Variants in SYS1 observed in about 807,000 individuals in gnomAD.
SYS1 encodes protein SYS1 homolog.
Under a neutral mutation model 17.8 loss-of-function variants are expected in SYS1, and 8 were observed. The observed-to-expected ratio is 0.45, with a 90% confidence interval of 0.26 to 0.81. The LOEUF is 0.81. SYS1 is among the 40% of genes least tolerant of loss of function. SYS1 has a pLI of 0.16. For missense variants in SYS1, 161 were observed against 203.9 expected (o/e 0.79, Z 1.28); for synonymous variants, 95 against 90.9 (o/e 1.05, Z -0.26).
rs767216821 is a variant in SYS1, at chr20:45,375,270, G to A, written c.*976G>A. 10 of 1,614,028 alleles carry A rather than the reference G, an allele frequency of 6.2e-6. No individual in the cohort carries two copies. In the Admixed American group the frequency reaches 8.3e-5, roughly 13 times the overall value. The stretch of plus-strand genomic sequence containing the variant: ...TAATGAAGATGACTCGGGGGCCCTC[G>A]GTGAGTGGTTGCCTCCCCTGGACTC... On this transcript the variant is annotated 3_prime_UTR_variant, in exon 4 of 4. Transcript: ENST00000426004.
chr20:45,373,945 C>A, downstream of SYS1: 1 of 1,613,926 alleles, frequency 6.2e-7, no homozygotes, highest in Non-Finnish European at 8.5e-7. Flanking sequence ...CCATTCCTCC[C>A]CTTCAGCTGA....
chr20:45,373,143 C>T (rs1434711762), downstream of SYS1: 1 of 152,346 alleles, frequency 6.6e-6, no homozygotes, highest in Non-Finnish European at 1.5e-5. Flanking sequence ...TTTCCTCTCC[C>T]CAACGGCATG....
chr20:45,366,669 C>T (rs575623851), intron 3 of SYS1, among the ~76,000 whole-genome samples: 1 of 152,292 alleles, frequency 6.6e-6, no homozygotes, highest in African/African-American at 2.4e-5. Flanking sequence ...GTGACAATTG[C>T]CATCGATCAT....
At position 45,365,346 on chromosome 20, in the gene SYS1, G is replaced by C. The variant is rs900802786; in HGVS notation, c.163-273G>C. 2.5e-4 allele frequency: 131 copies of C among 528,130 alleles called. No individual in the cohort carries two copies. In the Middle Eastern group the frequency reaches 4.8e-3, roughly 19 times the overall value. The allele number at this position is 528,130 out of a possible 1,614,324, so 32.7% of individuals were successfully genotyped here. On this transcript the variant is annotated intron_variant, in intron 2 of 3. Coordinates refer to ENST00000243918, the MANE Select transcript of SYS1 (RefSeq NM_033542.4). Reference sequence around the variant, plus strand: ...CGCTGTTCTAGACTTTACTCTTGTTGTTTATTACTTTGGGCAACTTAACTT... The same window carrying C: ...CGCTGTTCTAGACTTTACTCTTGTTCTTTATTACTTTGGGCAACTTAACTT...
rs1988473851 is a variant in SYS1 at position 45,368,012 on chromosome 20, G to A, written c.*897G>A. On this transcript the variant is annotated 3_prime_UTR_variant, in exon 4 of 4. Coordinates refer to ENST00000243918, the MANE Select transcript of SYS1 (RefSeq NM_033542.4). ...CCTGGGCTGTGCTGATAGTGCTGAG[G>A]GAGATAGGAATTTGCTGCTAAGATT... The A allele has an allele frequency of 1.1e-5, 11 of 985,414 alleles. No homozygotes were observed. Among genetic ancestry groups the A allele is most frequent in the Non-Finnish European group, 1.2e-5 (10 of 830,030 alleles). The allele number at this position is 985,414 out of a possible 1,614,324, so 61.0% of individuals were successfully genotyped here. A position where few individuals can be genotyped will look rare whatever the true frequency, so the allele number is the denominator to read the frequency against.
Position 45,375,201 on chromosome 20 carries a change from C to T in SYS1, c.*907C>T, listed in dbSNP as rs555635597. 8.1e-6 allele frequency: 13 copies of T among 1,614,182 alleles called. No individual in the cohort carries two copies. In the South Asian group the frequency reaches 1.3e-4, roughly 16 times the overall value. Reference sequence around the variant, plus strand: ...ACCAGATCCACTGGTCGGCTACATCCAGCTGCTTCATGTGCCCCATGGGAG... The same window carrying T: ...ACCAGATCCACTGGTCGGCTACATCTAGCTGCTTCATGTGCCCCATGGGAG... On this transcript the variant is annotated 3_prime_UTR_variant, in exon 4 of 4. Coordinates refer to the SYS1 transcript ENST00000426004.
intron 2 of SYS1, among the ~76,000 whole-genome samples, chr20:45,364,163 A>G (rs1988323392): frequency 6.6e-6 from 1 of 152,326 alleles, no homozygotes; most frequent in East Asian, 1.9e-4. Context: ...CTTCAAAACC[A>G]TGAGACTAGT....
Position 45,363,269 on chromosome 20 carries a change from T to G in SYS1, c.-50T>G. 1 of 1,232,972 alleles carries G rather than the reference T, an allele frequency of 8.1e-7. No individual in the cohort carries two copies. The highest frequency in any genetic ancestry group is 1.0e-6 in the Non-Finnish European group (1 of 980,686). The allele number at this position is 1,232,972 out of a possible 1,614,324, so 76.4% of individuals were successfully genotyped here. On this transcript the variant is annotated 5_prime_UTR_variant, in exon 1 of 4. The change abolishes the stop of an existing upstream ORF in the 5' untranslated region. Transcript: ENST00000243918. ...CAGCGCTGTTTTGGGAGCCCGCCGG[T>G]GAGGCCGGGCCACGCTCAGACACTT... is the stretch of plus-strand genomic sequence containing the variant.
Position 45,367,556 on chromosome 20 carries a change from C to T in SYS1, c.*441C>T, listed in dbSNP as rs909144070. ...ACAGCAGTTACCTTTGCAGTGTTGCCGAATCACAGCAGTTCTGTTGGAGAA... is the reference window on the plus strand; with the variant it reads ...ACAGCAGTTACCTTTGCAGTGTTGCTGAATCACAGCAGTTCTGTTGGAGAA... On this transcript the variant is annotated 3_prime_UTR_variant, in exon 4 of 4. Transcript: ENST00000243918. 1.0e-5 allele frequency: 10 copies of T among 995,160 alleles called. No homozygotes were observed. In the East Asian group the frequency reaches 6.6e-4, roughly 65 times the overall value. 61.6% of individuals were successfully genotyped at this position (995,160 alleles called of 1,614,324 possible). A position where few individuals can be genotyped will look rare whatever the true frequency, so the allele number is the denominator to read the frequency against.
In SYS1 at chr20:45,363,615, C is replaced by T. The variant is rs139346926; in HGVS notation, c.84C>T (p.Gly28=). The part of the protein sequence containing the change: ...QIVLMQTVYY[G]SLGLWLALVD... ...TCCTCATGCAGACCGTGTATTACGG[C>T]TCGCTGGGCCTGTGGCTGGCGCTGG... Residue 28 remains glycine (G), a synonymous_variant, in exon 2 of 4, where the codon GGC becomes GGT. Coordinates refer to ENST00000243918, the MANE Select transcript of SYS1 (RefSeq NM_033542.4). The T allele has an allele frequency of 6.3e-7, 1 of 1,592,962 alleles. No individual in the cohort carries two copies. Among genetic ancestry groups the T allele is most frequent in the African/African-American group, 1.3e-5 (1 of 74,528 alleles).
chr20:45,362,241 T>A (rs1334651147), upstream of SYS1, among the ~76,000 whole-genome samples: 3 of 152,216 alleles, frequency 2.0e-5, no homozygotes, highest in Non-Finnish European at 4.4e-5. Context: ...TCTAATATAG[T>A]TCATCTGTGT....
rs1988282449 is a variant in SYS1, at chr20:45,363,290, C to T, written c.-29C>T. ...CCGGTGAGGCCGGGCCACGCTCAGACACTTCGATCGTCGAGTCTGTCACTG... is the reference window on the plus strand; with the variant it reads ...CCGGTGAGGCCGGGCCACGCTCAGATACTTCGATCGTCGAGTCTGTCACTG... On this transcript the variant is annotated 5_prime_UTR_variant, in exon 1 of 4. Coordinates refer to ENST00000243918, the MANE Select transcript of SYS1 (RefSeq NM_033542.4). The T allele has an allele frequency of 2.3e-6, 3 of 1,324,550 alleles. No homozygotes were observed. Among genetic ancestry groups the T allele is most frequent in the African/African-American group, 1.5e-5 (1 of 66,628 alleles). 82.0% of individuals were successfully genotyped at this position (1,324,550 alleles called of 1,614,324 possible).
chr20:45,362,134 C>A (rs939351847), upstream of SYS1: 3 of 617,430 alleles, frequency 4.9e-6, no homozygotes, highest in Non-Finnish European at 6.1e-6. Context: ...ACAGTCATGG[C>A]AGCAGAGAGG....
At chr20:45,373,248 C>T (rs937044123), downstream of SYS1, 1 of 153,606 alleles carries the variant, frequency 6.5e-6, no homozygotes, top group African/African-American at 2.4e-5. Flanking sequence ...GAGGGTGGAC[C>T]TGCCATGTCA....
chr20:45,369,567 G>A (rs545579182), downstream of SYS1, among the ~76,000 whole-genome samples: 35 of 148,954 alleles, frequency 2.3e-4, 2 homozygotes, highest in South Asian at 7.5e-3. Context: ...AAGCTGATAT[G>A]CAGTACATTA....
upstream of SYS1, among the ~76,000 whole-genome samples, chr20:45,362,360 TTTATTTATTTA>T (rs1600742126): frequency 6.6e-6 from 1 of 150,770 alleles, no homozygotes; most frequent in East Asian, 2.0e-4. Flanking sequence ...TATTTATTTA[TTTATTTATTTA>T]TTTATTTATT....
rs990398860 is a variant in SYS1, at chr20:45,367,526, G to A, written c.*411G>A. ...CAGCTGTTACCTTTGCAGTGTTGCC[G>A]AATCACAGCAGTTACCTTTGCAGTG... is the stretch of plus-strand genomic sequence containing the variant. On this transcript the variant is annotated 3_prime_UTR_variant, in exon 4 of 4. Transcript: ENST00000243918. 38 of 1,003,932 alleles carry A rather than the reference G, an allele frequency of 3.8e-5. No individual in the cohort carries two copies. In the African/African-American group the frequency reaches 3.8e-4, roughly 10 times the overall value. The allele number at this position is 1,003,932 out of a possible 1,614,324, so 62.2% of individuals were successfully genotyped here. A position where few individuals can be genotyped will look rare whatever the true frequency, so the allele number is the denominator to read the frequency against.
chr20:45,363,722 G>T, intron 2 of SYS1, 29 bp downstream of exon 2: 1 of 1,544,692 alleles, frequency 6.5e-7, no homozygotes. Context: ...GGCGGGTGGG[G>T]TCTCGGCCTC....
intron 2 of SYS1, chr20:45,365,158 A>T (rs929370405): frequency 3.8e-6 from 1 of 264,474 alleles, no homozygotes; most frequent in African/African-American, 2.2e-5. Flanking sequence ...CTTTCCTTTA[A>T]GGGTGAAGTA....
Sources: allele counts gnomAD v4.1 joint callset (sites outside exome capture counted in the v4.1 genomes callset), GRCh38; gene constraint gnomAD v4.1.1; transcripts MANE v1.5; gene names NCBI Gene and HGNC (gene_info 2026-07-23, HGNC 2026-07-21).